Variants in HERC4 observed in about 807,000 individuals in gnomAD.
The protein encoded by HERC4 is HECT and RLD domain containing E3 ubiquitin protein ligase 4.
A neutral mutation model predicts 124.3 loss-of-function variants in HERC4; 28 were observed. The ratio of observed to expected loss-of-function variants is 0.23; its 90% CI spans 0.17 to 0.31. The LOEUF (loss-of-function observed/expected upper bound fraction) is 0.31, where lower values mean the gene tolerates loss of function less well. Among genes scored for constraint, HERC4 ranks in the 10% least tolerant of loss-of-function variants. HERC4 has a pLI of 1.00. For synonymous variants in HERC4, 407 were observed against 421.5 expected (o/e 0.97, Z 0.42); for missense variants, 713 against 1,229.3 (o/e 0.58, Z 6.28).
intron 4 of HERC4, among the ~76,000 whole-genome samples, chr10:68,038,856 TACC>T (rs1489003174): frequency 6.6e-6 from 1 of 152,220 alleles, no homozygotes; most frequent in Admixed American, 6.5e-5. Flanking sequence ...AGTTTTGTTT[TACC>T]ACAACGCAAC....
intron 23 of HERC4, among the ~76,000 whole-genome samples, chr10:67,929,526 T>C (rs886521217): frequency 6.7e-6 from 1 of 148,868 alleles, no homozygotes; most frequent in African/African-American, 2.6e-5. Flanking sequence ...TCAATAGTGC[T>C]TTTTTTTCTT....
chr10:67,987,158 T>C (rs2036309158), intron 15 of HERC4, among the ~76,000 whole-genome samples: 1 of 152,184 alleles, frequency 6.6e-6, no homozygotes, highest in Non-Finnish European at 1.5e-5. Context: ...TCTTTGAAGA[T>C]GAAACTCTAT....
At chr10:67,941,669 C>CATTTTTTTTT (rs2032904788) in intron 19 of HERC4, among the ~76,000 whole-genome samples, 1 of 91,762 alleles carries the variant, frequency 1.1e-5, no homozygotes, top group African/African-American at 4.0e-5. Flanking sequence ...TAAAACACAA[C>CATTTTTTTTT]TTTTTTTTTT....
At chr10:67,959,033 G>A (rs1167295277) in intron 16 of HERC4, 18 of 1,207,338 alleles carry the variant, frequency 1.5e-5, no homozygotes, top group Middle Eastern at 2.0e-4. Context: ...CCAAAAAAAC[G>A]AATCTTTGGC....
At chr10:68,007,834 T>A (rs2133045948) in intron 9 of HERC4, 1 of 152,784 alleles carries the variant, frequency 6.5e-6, no homozygotes, top group Middle Eastern at 3.4e-3. Context: ...CCTGAGCCAG[T>A]TCACCCCTCC....
At chr10:68,005,990 A>G (rs2037521779) in intron 9 of HERC4, among the ~76,000 whole-genome samples, 1 of 152,214 alleles carries the variant, frequency 6.6e-6, no homozygotes, top group Non-Finnish European at 1.5e-5. Context: ...AGGCTTGCAA[A>G]CAACATCTTA....
chr10:67,927,716 C>A (rs574565816), intron 23 of HERC4, among the ~76,000 whole-genome samples: 13 of 152,116 alleles, frequency 8.5e-5, no homozygotes, highest in African/African-American at 2.4e-4. Context: ...TGAGCCACTG[C>A]GCCCGGCCGC....
chr10:67,984,523 G>A (rs377390860), intron 15 of HERC4, among the ~76,000 whole-genome samples: 2 of 151,954 alleles, frequency 1.3e-5, no homozygotes, highest in East Asian at 3.9e-4. Flanking sequence ...CAGGGGCATG[G>A]GTGAGGTTGG....
At chr10:67,945,826 C>T (rs2033280224) in intron 19 of HERC4, among the ~76,000 whole-genome samples, 1 of 150,398 alleles carries the variant, frequency 6.6e-6, no homozygotes, top group Non-Finnish European at 1.5e-5. Context: ...AAACATACGA[C>T]AGATACACGA....
At chr10:67,934,944 C>A (rs865948606) in intron 22 of HERC4, among the ~76,000 whole-genome samples, 39 of 147,578 alleles carry the variant, frequency 2.6e-4, no homozygotes, top group African/African-American at 8.7e-4. Flanking sequence ...AGATTTCATT[C>A]ATTCCAATTC....
At chr10:68,037,502 A>G (rs183023868) in intron 5 of HERC4, among the ~76,000 whole-genome samples, 6 of 152,314 alleles carry the variant, frequency 3.9e-5, no homozygotes, top group African/African-American at 1.4e-4. Flanking sequence ...TAAGAGAGGA[A>G]TGCAAACAAA....
chr10:67,951,027 T>C (rs896278915), intron 19 of HERC4, among the ~76,000 whole-genome samples: 9 of 152,174 alleles, frequency 5.9e-5, no homozygotes, highest in South Asian at 2.1e-4. Flanking sequence ...AATGGGGATA[T>C]GTCAGAAGTA....
intron 9 of HERC4, among the ~76,000 whole-genome samples, chr10:68,005,283 T>C (rs1409267434): frequency 2.6e-5 from 4 of 152,256 alleles, no homozygotes; most frequent in South Asian, 2.1e-4. Context: ...CTTTTATCAT[T>C]ATACAATGAC....
At chr10:67,978,019 T>C (rs1464615010) in intron 15 of HERC4, among the ~76,000 whole-genome samples, 2 of 150,808 alleles carry the variant, frequency 1.3e-5, no homozygotes, top group East Asian at 3.9e-4. Context: ...CTCACACTTG[T>C]AATCCCAGCA....
chr10:67,929,836 G>A (rs1340414527), intron 23 of HERC4, among the ~76,000 whole-genome samples: 1 of 127,810 alleles, frequency 7.8e-6, no homozygotes, highest in East Asian at 2.0e-4. Context: ...TTTTGAGATG[G>A]AGTTTCACTC....
chr10:68,060,421 A>G (rs1292715745), intron 3 of HERC4, among the ~76,000 whole-genome samples: 1 of 152,008 alleles, frequency 6.6e-6, no homozygotes, highest in Non-Finnish European at 1.5e-5. Flanking sequence ...TATTTTTTTT[A>G]GTAGAGATGG....
chr10:68,018,172 A>G (rs1176974469), intron 8 of HERC4, among the ~76,000 whole-genome samples: 1 of 152,140 alleles, frequency 6.6e-6, no homozygotes, highest in Non-Finnish European at 1.5e-5. Context: ...ACCAAACAAA[A>G]AGGATAATAC....
At chr10:68,055,729 T>G (rs1318282811) in intron 3 of HERC4, among the ~76,000 whole-genome samples, 2 of 152,048 alleles carry the variant, frequency 1.3e-5, no homozygotes, top group Non-Finnish European at 2.9e-5. Context: ...TATAGTTTTA[T>G]TTTTACTTAG....
chr10:67,958,894 A>G (rs2034315254), intron 16 of HERC4, among the ~76,000 whole-genome samples: 1 of 152,194 alleles, frequency 6.6e-6, no homozygotes, highest in Admixed American at 6.5e-5. Flanking sequence ...GAGGCATCAT[A>G]TAGGTGTAAT....
Sources: gnomAD v4.1 joint callset for allele counts (sites outside exome capture counted in the v4.1 genomes callset) on GRCh38, gnomAD v4.1.1 for gene constraint, MANE v1.5 for transcripts, NCBI Gene and HGNC (gene_info 2026-07-23, HGNC 2026-07-21) for gene names.